Variants in DET1 observed in about 807,000 individuals in gnomAD.
The protein encoded by DET1 is DET1 homolog.
Under a neutral mutation model 43.7 loss-of-function variants are expected in DET1, and 22 were observed. That is an observed-to-expected ratio of 0.50 (90% CI 0.36 to 0.72). DET1 has a LOEUF of 0.72. Among genes scored for constraint, DET1 ranks in the 30% least tolerant of loss-of-function variants. The probability of loss-of-function intolerance (pLI) is 0.00; values close to 1 mark genes in which losing one functional copy is unlikely to be tolerated. For missense variants in DET1, 713 were observed against 713.3 expected (o/e 1.00, Z 0.00); for synonymous variants, 315 against 266.2 (o/e 1.18, Z -1.79).
intron 1 of DET1, among the ~76,000 whole-genome samples, chr15:88,536,867 A>G (rs1165074632): frequency 1.3e-5 from 2 of 152,062 alleles, no homozygotes; most frequent in Non-Finnish European, 2.9e-5. Flanking sequence ...CATTTGGGAA[A>G]CAGAGCAATT....
In DET1 at chr15:88,530,761, G is replaced by A. The variant is rs1337828148; in HGVS notation, c.945C>T (p.Ala315=). The change falls in exon 2 of 5, where the codon GCC becomes GCT. Residue 315 remains alanine, a synonymous_variant. Coordinates refer to ENST00000268148, the MANE Select transcript of DET1 (RefSeq NM_001144074.3). ...RRAEQDGSAM[A]KRRFFQYFDQ... ...CAAAATACTGGAAGAAGCGCCTCTTGGCCATTGCACTACCATCCTGTTCTG... is the reference window on the plus strand; with the variant it reads ...CAAAATACTGGAAGAAGCGCCTCTTAGCCATTGCACTACCATCCTGTTCTG... 1 of 1,613,892 alleles carries A rather than the reference G, an allele frequency of 6.2e-7. No individual in the cohort carries two copies. Among genetic ancestry groups the A allele is most frequent in the Non-Finnish European group, 8.5e-7 (1 of 1,179,834 alleles).
In DET1 at chr15:88,516,873, T is replaced by G; in HGVS notation, c.1372A>C (p.Ser458Arg). The change falls in exon 4 of 5, where the codon AGC (serine) becomes CGC (arginine). Residue 458 changes from serine to arginine, a missense_variant. Ser to Arg is a moderately radical substitution (Grantham distance 110). Coordinates refer to ENST00000268148, the MANE Select transcript of DET1 (RefSeq NM_001144074.3). The surrounding 1 kb of genome is among the most constrained non-coding windows in gnomAD (Gnocchi z 4.4). ...LPISAQSYSG[S>R]PYLDLSLFSY... is the part of the protein sequence containing the mutation. ...AAGAGAGACAAATCCAGATAGGGGCTACCGCTGTAAGACTGAGCACTGATG... is the reference window on the plus strand; with the variant it reads ...AAGAGAGACAAATCCAGATAGGGGCGACCGCTGTAAGACTGAGCACTGATG... 1 of 1,611,684 alleles carries G rather than the reference T, an allele frequency of 6.2e-7. No individual in the cohort carries two copies. The highest frequency in any genetic ancestry group is 8.5e-7 in the Non-Finnish European group (1 of 1,178,940).
chr15:88,524,496 A>G (rs2056605235), intron 3 of DET1, among the ~76,000 whole-genome samples: 1 of 152,246 alleles, frequency 6.6e-6, no homozygotes, highest in Non-Finnish European at 1.5e-5. Flanking sequence ...CATGATGACG[A>G]TGGCGGTTTT....
At chr15:88,517,372 C>T (rs1375478437) in intron 3 of DET1, among the ~76,000 whole-genome samples, 5 of 151,804 alleles carry the variant, frequency 3.3e-5, no homozygotes, top group Non-Finnish European at 7.4e-5. Context: ...ACTACAGGCA[C>T]GTGCCACCAC....
intron 1 of DET1, among the ~76,000 whole-genome samples, chr15:88,537,801 T>C (rs916369682): frequency 3.3e-5 from 5 of 152,214 alleles, no homozygotes; most frequent in African/African-American, 1.2e-4. Flanking sequence ...CTGGAATGCA[T>C]TTCCCCTGCC....
At chr15:88,539,761 T>G (rs1356117718) in intron 1 of DET1, among the ~76,000 whole-genome samples, 1 of 152,280 alleles carries the variant, frequency 6.6e-6, no homozygotes, top group South Asian at 2.1e-4. Flanking sequence ...GTGAAGAACA[T>G]TCATCTGATT....
intron 1 of DET1, among the ~76,000 whole-genome samples, chr15:88,543,889 A>G (rs912825622): frequency 6.6e-6 from 1 of 152,206 alleles, no homozygotes; most frequent in African/African-American, 2.4e-5. Context: ...ATGCCAAGCA[A>G]GGTTCTAAAC....
chr15:88,523,692 C>T (rs1432744610), intron 3 of DET1, among the ~76,000 whole-genome samples: 2 of 152,082 alleles, frequency 1.3e-5, no homozygotes, highest in African/African-American at 2.4e-5. Context: ...CTGCCCGCCT[C>T]GGCCTCCCGA....
Position 88,512,999 on chromosome 15 carries a change from A to G in DET1, c.1605T>C (p.Thr535=), listed in dbSNP as rs2056233704. Residue 535 remains threonine (T), a synonymous_variant, in exon 5 of 5, where the codon ACT becomes ACC. Coordinates refer to ENST00000268148, the MANE Select transcript of DET1 (RefSeq NM_001144074.3). ...GGAAGTTGACAACATACTCAGCATT[A>G]GTCCTCTGCACAGAAATAGCGAAAG... ...FEPFAISVQR[T]NAEYVVNFHM... 5 of 1,614,086 alleles carry G rather than the reference A, an allele frequency of 3.1e-6. No homozygotes were observed. The highest frequency in any genetic ancestry group is 4.2e-6 in the Non-Finnish European group (5 of 1,179,896).
At chr15:88,536,447 T>A in intron 1 of DET1, 1 of 669,054 alleles carries the variant, frequency 1.5e-6, no homozygotes, top group Non-Finnish European at 2.7e-6. Context: ...ACAATTGGTA[T>A]GAGCCTTGAA....
rs1317302154 is a variant in DET1, at chr15:88,546,672, C to G, written c.-143G>C. On this transcript the variant is annotated 5_prime_UTR_variant, in exon 1 of 5. Coordinates refer to ENST00000268148, the MANE Select transcript of DET1 (RefSeq NM_001144074.3). ...GCTGCACGTTCCCGTTTCCGCCAGC[C>G]ACCGGAACTGCGGCCCAGCAAAAAG... The G allele has an allele frequency of 6.6e-6, 1 of 152,528 alleles. No individual in the cohort carries two copies. Among genetic ancestry groups the G allele is most frequent in the Non-Finnish European group, 1.5e-5 (1 of 68,312 alleles). The allele number at this position is 152,528 out of a possible 1,614,324, so 9.4% of individuals were successfully genotyped here. A position where few individuals can be genotyped will look rare whatever the true frequency, so the allele number is the denominator to read the frequency against.
intron 3 of DET1, among the ~76,000 whole-genome samples, chr15:88,527,302 C>A (rs1038787274): frequency 5.3e-5 from 8 of 152,196 alleles, no homozygotes; most frequent in Non-Finnish European, 1.2e-4. Flanking sequence ...TTTTCTTATT[C>A]ATTCAATAAA....
At position 88,530,823 on chromosome 15, in the gene DET1, G is replaced by C; in HGVS notation, c.883C>G (p.Leu295Val). 6.2e-7 allele frequency: 1 copy of C among 1,613,978 alleles called. No homozygotes were observed. The highest frequency in any genetic ancestry group is 8.5e-7 in the Non-Finnish European group (1 of 1,179,874). ...NPFRDPFINS[L>V]KHRLLVYLWR... ...AAATATACCAGCAACCGGTGTTTGA[G>C]GGAATTGATGAAAGGATCCCTAAAG... The change falls in exon 2 of 5, where the codon CTC (leucine) becomes GTC (valine). Residue 295 changes from leucine to valine, a missense_variant. Physicochemically the swap from Leu to Val is conservative, Grantham distance 32. Transcript: ENST00000268148.
chr15:88,538,202 A>G (rs1249189421), intron 1 of DET1, among the ~76,000 whole-genome samples: 1 of 151,296 alleles, frequency 6.6e-6, no homozygotes, highest in Non-Finnish European at 1.5e-5. Context: ...AGCCAGACAG[A>G]CTCCATCTTG....
chr15:88,546,122 C>T (rs960667152), intron 1 of DET1: 4 of 152,388 alleles, frequency 2.6e-5, no homozygotes, highest in Non-Finnish European at 5.9e-5. Context: ...GCCCCTTCCT[C>T]AGGGCCGAGA....
At chr15:88,537,328 C>T (rs147094776) in intron 1 of DET1, among the ~76,000 whole-genome samples, 8 of 152,208 alleles carry the variant, frequency 5.3e-5, no homozygotes, top group Middle Eastern at 3.4e-3. Context: ...TGCAAACTAC[C>T]GCCCTCAGCC....
intron 3 of DET1, among the ~76,000 whole-genome samples, chr15:88,524,399 G>A (rs576925658): frequency 3.3e-5 from 5 of 151,212 alleles, no homozygotes; most frequent in South Asian, 2.1e-4. Flanking sequence ...GCCTCTGCCC[G>A]GCTGCCCCGT....
intron 4 of DET1, among the ~76,000 whole-genome samples, chr15:88,515,532 C>A (rs1362944619): frequency 1.6e-4 from 8 of 51,206 alleles, no homozygotes; most frequent in Non-Finnish European, 3.6e-4. Flanking sequence ...GACAGAGACT[C>A]CGTCTTATAA....
chr15:88,540,565 AAG>A (rs2057080833), intron 1 of DET1, among the ~76,000 whole-genome samples: 1 of 152,080 alleles, frequency 6.6e-6, no homozygotes, highest in South Asian at 2.1e-4. Context: ...GGGGAAAAGC[AAG>A]AGAGATCAGA....
Sources: allele counts gnomAD v4.1 joint callset (sites outside exome capture counted in the v4.1 genomes callset), GRCh38; gene constraint gnomAD v4.1.1; non-coding constraint Gnocchi (gnomAD v3.1); transcripts MANE v1.5; gene names NCBI Gene and HGNC (gene_info 2026-07-23, HGNC 2026-07-21).